Variants in KALRN observed in about 807,000 individuals in gnomAD.
The protein encoded by KALRN is kalirin RhoGEF kinase.
A neutral mutation model predicts 353.7 loss-of-function variants in KALRN; 70 were observed. The observed-to-expected ratio is 0.20, with a 90% CI of 0.16 to 0.24. KALRN has a LOEUF of 0.24. Among genes scored for constraint, KALRN ranks in the 10% least tolerant of loss-of-function variants. The pLI is 1.00. For synonymous variants in KALRN, 1,391 were observed against 1,434.8 expected (o/e 0.97, Z 0.69); for missense variants, 2,791 against 3,756.7 (o/e 0.74, Z 6.72).
At chr3:124,194,703 T>G (rs4678092) in intron 1 of KALRN, among the ~76,000 whole-genome samples, 84,639 of 151,952 alleles carry the variant, frequency 0.56, 25,586 homozygotes, top group Non-Finnish European at 0.68. Flanking sequence ...TTTGAAGGTG[T>G]ATCTCCTGGT....
chr3:124,714,084 AAAC>A (rs1462525213), intron 58 of KALRN, among the ~76,000 whole-genome samples: 2 of 152,026 alleles, frequency 1.3e-5, no homozygotes, highest in South Asian at 2.1e-4. Flanking sequence ...AAAAAAAAAA[AAAC>A]AGAGGGGACA....
intron 23 of KALRN, 84 bp downstream of exon 23, chr3:124,456,812 A>G (rs1473619204): frequency 1.2e-6 from 1 of 840,724 alleles, no homozygotes; most frequent in African/African-American, 1.7e-5. Context: ...GGATAGCTTA[A>G]TATGTTCTCA....
At chr3:124,230,037 C>T (rs2078978027) in intron 2 of KALRN, among the ~76,000 whole-genome samples, 1 of 152,160 alleles carries the variant, frequency 6.6e-6, no homozygotes, top group South Asian at 2.1e-4. Context: ...TGATTTCTTG[C>T]TAAGCATATG....
At chr3:124,285,388 T>C (rs925400107) in intron 5 of KALRN, among the ~76,000 whole-genome samples, 1 of 152,178 alleles carries the variant, frequency 6.6e-6, no homozygotes. Flanking sequence ...GCTAATTAAA[T>C]TTAGTGGGTA....
At chr3:124,297,861 G>T (rs907235162) in intron 5 of KALRN, among the ~76,000 whole-genome samples, 1 of 152,288 alleles carries the variant, frequency 6.6e-6, no homozygotes, top group Admixed American at 6.5e-5. Flanking sequence ...TCACCCTCAG[G>T]CTGCCAGAAG....
rs1415679291 is a variant in KALRN, at chr3:124,492,779, A to G, written c.4729A>G (p.Ile1577Val). 3 of 1,613,956 alleles carry G rather than the reference A, an allele frequency of 1.9e-6. No individual in the cohort carries two copies. The highest frequency in any genetic ancestry group is 1.3e-5 in the African/African-American group (1 of 74,876). The change falls in exon 32 of 60, where the codon ATT becomes GTT. Residue 1577 changes from isoleucine (I) to valine (V), a missense_variant. Physicochemically the swap from Ile to Val is conservative, Grantham distance 29. Transcript: ENST00000682506. Reference sequence around the variant, plus strand: ...AACCAAGCAGGAGTGGATCAAGAACATTCGAGAAGTGATTCAAGAAAGGAT... The same window carrying G: ...AACCAAGCAGGAGTGGATCAAGAACGTTCGAGAAGTGATTCAAGAAAGGAT... Reference protein sequence around the residue: ...IETKQEWIKNIREVIQERIIH... With the variant: ...IETKQEWIKNVREVIQERIIH...
intron 6 of KALRN, among the ~76,000 whole-genome samples, chr3:124,308,156 T>C (rs2077888550): frequency 6.6e-6 from 1 of 151,920 alleles, no homozygotes; most frequent in Non-Finnish European, 1.5e-5. Flanking sequence ...AACAAAAAAG[T>C]ACCAAAATAC....
rs745901858 is a variant in KALRN at position 124,694,368 on chromosome 3, C to A, written c.7442C>A (p.Thr2481Asn). Residue 2481 changes from threonine to asparagine, a missense_variant, in exon 53 of 60, where the codon ACC becomes AAC. Physicochemically the swap from Thr to Asn is moderately conservative, Grantham distance 65. Around this residue, in one of 11 missense-constraint regions of KALRN, gnomAD observed 1,065 missense variants for 1,156.4 expected, o/e 0.92. Transcript: ENST00000682506. ...PEFLVPLVDV[T>N]CLLGDTVILQ... ...TTCCTTGTGCCCTTGGTGGATGTGA[C>A]CTGCTTGCTTGGGGACACAGTGATA... 2.5e-6 allele frequency: 4 copies of A among 1,614,192 alleles called. No homozygotes were observed. Among genetic ancestry groups the A allele is most frequent in the South Asian group, 2.2e-5 (2 of 91,076 alleles).
At chr3:124,619,590 A>T (rs1258989575) in intron 34 of KALRN, among the ~76,000 whole-genome samples, 1 of 147,212 alleles carries the variant, frequency 6.8e-6, no homozygotes, top group African/African-American at 2.5e-5. Context: ...AGGCTCAAGC[A>T]ATTCTCCTGC....
intron 34 of KALRN, chr3:124,584,971 A>AGGGT: frequency 1.9e-6 from 2 of 1,045,456 alleles, no homozygotes; most frequent in Non-Finnish European, 1.4e-6. Flanking sequence ...AGCGCGAGGG[A>AGGGT]GGGTGGTAGG....
chr3:124,097,076 A>G (rs940731636), intron 1 of KALRN, among the ~76,000 whole-genome samples: 2 of 152,222 alleles, frequency 1.3e-5, no homozygotes, highest in Non-Finnish European at 2.9e-5. Context: ...GGTGTTGATT[A>G]TGTTGCCCAG....
intron 8 of KALRN, among the ~76,000 whole-genome samples, chr3:124,332,077 A>T (rs2080624347): frequency 6.6e-6 from 1 of 152,132 alleles, no homozygotes; most frequent in Non-Finnish European, 1.5e-5. Context: ...CCTCTGCATT[A>T]TGTATAAGCT....
intron 1 of KALRN, among the ~76,000 whole-genome samples, chr3:124,125,114 G>A (rs1232078854): frequency 6.6e-6 from 1 of 152,180 alleles, no homozygotes; most frequent in Non-Finnish European, 1.5e-5. Context: ...CATGGCCTCT[G>A]TACCAGCAAC....
At chr3:124,320,485 C>A (rs1658497069) in intron 6 of KALRN, among the ~76,000 whole-genome samples, 1 of 152,198 alleles carries the variant, frequency 6.6e-6, no homozygotes, top group African/African-American at 2.4e-5. Flanking sequence ...TGCCCATAGA[C>A]CACAAAGTGA....
At chr3:124,530,617 C>T (rs1000563440) in intron 33 of KALRN, among the ~76,000 whole-genome samples, 1 of 152,098 alleles carries the variant, frequency 6.6e-6, no homozygotes, top group South Asian at 2.1e-4. Context: ...TCTCAAACTC[C>T]TGACTTCAAG....
At chr3:124,084,250 C>G (rs941835253) in intron 1 of KALRN, among the ~76,000 whole-genome samples, 1 of 152,234 alleles carries the variant, frequency 6.6e-6, no homozygotes, top group African/African-American at 2.4e-5. Flanking sequence ...GCTTTCTTTC[C>G]TTCCAGTTTG....
intron 33 of KALRN, among the ~76,000 whole-genome samples, chr3:124,497,122 T>C (rs1445452093): frequency 2.0e-5 from 3 of 152,166 alleles, no homozygotes; most frequent in Non-Finnish European, 4.4e-5. Flanking sequence ...TAGCAAAGGC[T>C]CTGTGTATCT....
rs1427725500 is a variant in KALRN, at chr3:124,033,445, A to G, written c.-296A>G. Among the ~76,000 whole-genome samples the G allele has an allele frequency of 6.6e-6, 1 of 150,622 alleles. No individual in the cohort carries two copies. The highest frequency in any genetic ancestry group is 2.4e-5 in the African/African-American group (1 of 41,000). The stretch of plus-strand genomic sequence containing the variant: ...GACAGCGGGCGCCCAGGCAGCCCGC[A>G]CCCCGGCCCCGGGCCCCGGCCCCAG... On this transcript the variant is annotated 5_prime_UTR_variant, in exon 1 of 60. Transcript: ENST00000682506. This position sits in a 1 kb window ranked among gnomAD's most constrained non-coding sequence, Gnocchi z 6.2.
chr3:124,616,975 A>C (rs1292402826), intron 34 of KALRN, among the ~76,000 whole-genome samples: 2 of 151,538 alleles, frequency 1.3e-5, no homozygotes, highest in Middle Eastern at 3.4e-3. Context: ...CAAAAAAAAA[A>C]AAAAAAAGTT....
Sources: allele counts gnomAD v4.1 joint callset (sites outside exome capture counted in the v4.1 genomes callset), GRCh38; gene constraint gnomAD v4.1.1; regional missense constraint gnomAD v4.1.1; non-coding constraint Gnocchi (gnomAD v3.1); transcripts MANE v1.5; gene names NCBI Gene and HGNC (gene_info 2026-07-23, HGNC 2026-07-21).